The following DIP2C variants were observed in gnomAD, a reference collection of about 807,000 sequenced individuals.
The protein encoded by DIP2C is DIP2 acetate--CoA ligase C (putative), also known as disco-interacting protein 2 homolog C.
DIP2C carries 33 observed loss-of-function variants against 192.4 expected under a neutral mutation model. That is an observed-to-expected ratio of 0.17 (90% confidence interval 0.13 to 0.23). The LOEUF is 0.23. Among genes scored for constraint, DIP2C ranks in the 10% least tolerant of loss-of-function variants. The pLI is 1.00. For missense variants in DIP2C, 1,537 were observed against 2,110.1 expected (o/e 0.73, Z 5.32); for synonymous variants, 979 against 864.1 (o/e 1.13, Z -2.33).
At chr10:579,041 T>C (rs955907529) in intron 1 of DIP2C, among the ~76,000 whole-genome samples, 1 of 151,982 alleles carries the variant, frequency 6.6e-6, no homozygotes, top group Non-Finnish European at 1.5e-5. Flanking sequence ...CCAGACCCAG[T>C]GTACAAACAT....
chr10:449,920 C>CAAAAAAAAAAAAAAAAAAA (rs59135780), intron 3 of DIP2C, among the ~76,000 whole-genome samples: 3 of 135,928 alleles, frequency 2.2e-5, no homozygotes, highest in African/African-American at 3.0e-5. Flanking sequence ...TCAACAACAA[C>CAAAAAAAAAAAAAAAAAAA]AAAAAAAAAA....
At chr10:603,436 T>A (rs1852240825) in intron 1 of DIP2C, among the ~76,000 whole-genome samples, 1 of 151,826 alleles carries the variant, frequency 6.6e-6, no homozygotes, top group African/African-American at 2.4e-5. Flanking sequence ...CCTCTGTCTC[T>A]GATGTGCTTG....
chr10:299,888 A>T (rs757423947), intron 32 of DIP2C, among the ~76,000 whole-genome samples: 19 of 152,254 alleles, frequency 1.2e-4, no homozygotes, highest in Non-Finnish European at 2.5e-4. Flanking sequence ...GAAGGTATAC[A>T]AATAGCCAGT....
At chr10:576,819 A>G (rs1409231435) in intron 1 of DIP2C, among the ~76,000 whole-genome samples, 1 of 152,132 alleles carries the variant, frequency 6.6e-6, no homozygotes, top group East Asian at 1.9e-4. Context: ...AAGCATAAGA[A>G]TCTCTTGAAC....
intron 3 of DIP2C, among the ~76,000 whole-genome samples, chr10:459,731 T>C (rs1444833705): frequency 2.0e-5 from 3 of 148,842 alleles, no homozygotes; most frequent in African/African-American, 7.5e-5. Flanking sequence ...GGGAACGGCG[T>C]GCTGCACGTG....
intron 2 of DIP2C, among the ~76,000 whole-genome samples, chr10:477,278 G>C (rs1238610650): frequency 1.4e-5 from 1 of 70,704 alleles, no homozygotes; most frequent in African/African-American, 7.1e-5. Flanking sequence ...GAGAAGGAAG[G>C]GAAGGAAGAG....
intron 1 of DIP2C, among the ~76,000 whole-genome samples, chr10:505,165 G>A (rs1293926308): frequency 6.6e-6 from 1 of 152,196 alleles, no homozygotes; most frequent in Non-Finnish European, 1.5e-5. Flanking sequence ...GTCCAGTCAT[G>A]TTCCGAGGAG....
chr10:362,802 A>G, intron 21 of DIP2C, 111 bp from the exon 22 acceptor site: 2 of 1,209,860 alleles, frequency 1.7e-6, no homozygotes, highest in Non-Finnish European at 1.1e-6. Flanking sequence ...CAGTATAAGC[A>G]CTGTTCCCAG....
chr10:654,986 C>T (rs1327877366), intron 1 of DIP2C, among the ~76,000 whole-genome samples: 1 of 152,172 alleles, frequency 6.6e-6, no homozygotes, highest in African/African-American at 2.4e-5. Context: ...TTGCTTTAGG[C>T]AGACAGTAAG....
chr10:346,493 C>T (rs1398563754), intron 26 of DIP2C, among the ~76,000 whole-genome samples: 1 of 126,560 alleles, frequency 7.9e-6, no homozygotes, highest in Non-Finnish European at 1.6e-5. Flanking sequence ...CCGGAAACCC[C>T]ACACGCACCC....
chr10:396,186 A>G (rs2132995016), intron 10 of DIP2C, among the ~76,000 whole-genome samples: 1 of 152,354 alleles, frequency 6.6e-6, no homozygotes, highest in Non-Finnish European at 1.5e-5. Flanking sequence ...ATTCAAAGGT[A>G]CTTAATTCAT....
chr10:545,785 T>C (rs1848255682), intron 1 of DIP2C, among the ~76,000 whole-genome samples: 1 of 152,110 alleles, frequency 6.6e-6, no homozygotes, highest in Admixed American at 6.5e-5. Flanking sequence ...TCCATCCTTT[T>C]CCATGTGGAT....
intron 3 of DIP2C, among the ~76,000 whole-genome samples, chr10:444,111 C>T (rs887969170): frequency 6.6e-6 from 1 of 152,058 alleles, no homozygotes; most frequent in African/African-American, 2.4e-5. Flanking sequence ...CGTGTAGATT[C>T]CCCATCGTCA....
intron 3 of DIP2C, among the ~76,000 whole-genome samples, chr10:447,394 C>T (rs1968335878): frequency 6.6e-6 from 1 of 151,088 alleles, no homozygotes; most frequent in African/African-American, 2.5e-5. Context: ...GGATCACACA[C>T]AGTGGGGCAG....
chr10:535,708 T>C (rs899601596), intron 1 of DIP2C, among the ~76,000 whole-genome samples: 1 of 152,182 alleles, frequency 6.6e-6, no homozygotes, highest in African/African-American at 2.4e-5. Context: ...AAAAACTGTA[T>C]GTGGGCTATG....
At chr10:507,571 G>A (rs1354191065) in intron 1 of DIP2C, among the ~76,000 whole-genome samples, 1 of 152,256 alleles carries the variant, frequency 6.6e-6, no homozygotes, top group Non-Finnish European at 1.5e-5. Context: ...TGTGTGCGCG[G>A]TGACGGACCT....
At chr10:644,072 T>A (rs1052195697) in intron 1 of DIP2C, among the ~76,000 whole-genome samples, 1 of 152,230 alleles carries the variant, frequency 6.6e-6, no homozygotes, top group Non-Finnish European at 1.5e-5. Context: ...TTTAAAAAGA[T>A]GAAACAATCT....
At chr10:532,686 T>TGA (rs34935099) in intron 1 of DIP2C, among the ~76,000 whole-genome samples, 4 of 39,658 alleles carry the variant, frequency 1.0e-4, no homozygotes, top group African/African-American at 3.5e-4. Context: ...AGTATGGGTG[T>TGA]GAGAGAGTAT....
chr10:323,599 T>G (rs974711470), intron 31 of DIP2C, among the ~76,000 whole-genome samples: 1 of 152,254 alleles, frequency 6.6e-6, no homozygotes, highest in African/African-American at 2.4e-5. Flanking sequence ...ATTCTGGCAG[T>G]GTCTTAATTT....
Sources: gnomAD v4.1 joint callset for allele counts (sites outside exome capture counted in the v4.1 genomes callset) on GRCh38, gnomAD v4.1.1 for gene constraint, MANE v1.5 for transcripts, NCBI Gene and HGNC (gene_info 2026-07-23, HGNC 2026-07-21) for gene names.